Variants in MED23 observed in about 807,000 individuals in gnomAD.
The protein encoded by MED23 is mediator complex subunit 23, also known as mediator of RNA polymerase II transcription subunit 23.
In MED23, 105 loss-of-function variants were observed where a neutral mutation model predicts 163.9. The observed-to-expected ratio is 0.64, with a 90% confidence interval of 0.55 to 0.75. The LOEUF (loss-of-function observed/expected upper bound fraction) is 0.75, where lower values mean the gene tolerates loss of function less well. Among genes scored for constraint, MED23 ranks in the 30% least tolerant of loss-of-function variants. MED23 has a pLI of 0.00. For synonymous variants in MED23, 561 were observed against 565.6 expected (o/e 0.99, Z 0.12); for missense variants, 1,054 against 1,649.0 (o/e 0.64, Z 6.25).
At chr6:131,604,618 C>G (rs1775723795) in intron 14 of MED23, among the ~76,000 whole-genome samples, 1 of 152,114 alleles carries the variant, frequency 6.6e-6, no homozygotes, top group Non-Finnish European at 1.5e-5. Flanking sequence ...TCAAATGATG[C>G]ATCAAAATAC....
intron 22 of MED23, among the ~76,000 whole-genome samples, chr6:131,594,659 A>C (rs1353152241): frequency 6.6e-6 from 1 of 152,242 alleles, no homozygotes; most frequent in Non-Finnish European, 1.5e-5. Flanking sequence ...TACTAGCGAA[A>C]GATGAAAAAC....
At position 131,604,170 on chromosome 6, in the gene MED23, T is replaced by C; in HGVS notation, c.1756+8A>G. On this transcript the variant is annotated splice_region_variant and intron_variant, in intron 15 of 28. Transcript: ENST00000368068. ...AATAGTTATAAACACCAGAAAGTCC[T>C]GTCTTACTGATAAATCCTTTGATGC... The C allele has an allele frequency of 6.2e-7, 1 of 1,613,486 alleles. No individual in the cohort carries two copies. The highest frequency in any genetic ancestry group is 1.1e-5 in the South Asian group (1 of 91,078).
At chr6:131,605,194 C>A in intron 14 of MED23, 46 bp downstream of exon 14, 4 of 1,591,288 alleles carry the variant, frequency 2.5e-6, no homozygotes, top group South Asian at 1.1e-5. Flanking sequence ...ATACTATACT[C>A]GTATCAATTC....
At chr6:131,597,886 G>C (rs1305730336) in intron 20 of MED23, among the ~76,000 whole-genome samples, 1 of 151,778 alleles carries the variant, frequency 6.6e-6, no homozygotes, top group Non-Finnish European at 1.5e-5. Flanking sequence ...AGGAGTTCGA[G>C]ACCAGCCTGG....
Position 131,607,948 on chromosome 6 carries a change from A to G in MED23, c.1201T>C (p.Leu401=). 3 of 1,613,886 alleles carry G rather than the reference A, an allele frequency of 1.9e-6. No homozygotes were observed. The highest frequency in any genetic ancestry group is 2.2e-5 in the East Asian group (1 of 44,816). Residue 401 remains leucine, a synonymous_variant, in exon 12 of 29, where the codon TTG becomes CTG. Transcript: ENST00000368068. ...CTTACTTCTTTTTCTGGGTATAGCA[A>G]GTCGAAGAGCTTCATCACAGGGAGA... ...DFLPVMKLFD[L]LYPEKEYIPV... is the part of the protein sequence containing the mutation.
chr6:131,575,790 T>G (rs1010225800), intron 30 of MED23, among the ~76,000 whole-genome samples: 3 of 152,220 alleles, frequency 2.0e-5, no homozygotes, highest in Non-Finnish European at 4.4e-5. Flanking sequence ...ACTTGCCCCT[T>G]GGAGGAAGAG....
chr6:131,576,812 G>A, intron 30 of MED23: 1 of 1,277,532 alleles, frequency 7.8e-7, no homozygotes, highest in East Asian at 2.4e-5. Flanking sequence ...TGTGAACCTG[G>A]AGTGTGTCTG....
chr6:131,581,087 C>T (rs1002373049), intron 30 of MED23: 2 of 862,766 alleles, frequency 2.3e-6, no homozygotes, highest in Non-Finnish European at 3.8e-6. Flanking sequence ...TTGGCATCTC[C>T]AATTCAGAAC....
At chr6:131,605,770 C>T (rs1775810209) in intron 13 of MED23, among the ~76,000 whole-genome samples, 1 of 152,164 alleles carries the variant, frequency 6.6e-6, no homozygotes, top group Non-Finnish European at 1.5e-5. Flanking sequence ...GAAGAAATAA[C>T]TCACAAGTCT....
chr6:131,580,089 G>A lies in MED23; in HGVS notation c.4096-5794C>T, dbSNP rs148958054. On this transcript the variant is annotated intron_variant, in intron 30 of 30. Transcript: ENST00000354577. ...TGTGGCAAAGACCATTTTTGTGCAT[G>A]AGCCTCTTTAAATATTTACTCCCAA... is the stretch of plus-strand genomic sequence containing the variant. 1.1e-4 allele frequency among the ~76,000 whole-genome samples: 16 copies of A among 152,210 alleles called. 1 individual carries two copies. The East Asian group carries it at 2.9e-3, about 28-fold the overall frequency.
rs145230681 is a variant in MED23, at chr6:131,596,128, C to T, written c.2814G>A (p.Ala938=). 2,779 of 1,614,070 alleles carry T rather than the reference C, an allele frequency of 1.7e-3. 12 individuals carry two copies. Among genetic ancestry groups the T allele is most frequent in the Middle Eastern group, 3.3e-3 (20 of 6,060 alleles). The change falls in exon 22 of 29, where the codon GCG becomes GCA. Residue 938 remains alanine, a synonymous_variant. Coordinates refer to ENST00000368068, the MANE Select transcript of MED23 (RefSeq NM_004830.4). ...YPEKLYFEGL[A]EQVDPPVQIQ... is the part of the protein sequence containing the mutation. Reference sequence around the variant, plus strand: ...TCTGTACAGGAGGATCCACCTGTTCCGCGAGGCCCTCAAAATACAACTTCT... The same window carrying T: ...TCTGTACAGGAGGATCCACCTGTTCTGCGAGGCCCTCAAAATACAACTTCT...
At chr6:131,615,728 C>T (rs1221193189) in intron 10 of MED23, 179 bp downstream of exon 10, 6 of 650,944 alleles carry the variant, frequency 9.2e-6, no homozygotes, top group Admixed American at 8.2e-5. Flanking sequence ...TAAATTTAAA[C>T]ATTCTTAAAG....
At chr6:131,626,032 G>A (rs1323425846) in intron 3 of MED23, among the ~76,000 whole-genome samples, 2 of 148,790 alleles carry the variant, frequency 1.3e-5, no homozygotes, top group Non-Finnish European at 3.0e-5. Context: ...TGAGGCAGGA[G>A]AACGGCGTGA....
At position 131,594,245 on chromosome 6, in the gene MED23, G is replaced by C. The variant is rs745553833; in HGVS notation, c.3086C>G (p.Ala1029Gly). The stretch of plus-strand genomic sequence containing the variant: ...ATTATCCTTCAGAGAGCCAATGATC[G>C]CATGGACGAGTTTTCGTTTGAGAAA... Reference protein sequence around the residue: ...RAFLKRKLVHAIIGSLKDNRP... With the variant: ...RAFLKRKLVHGIIGSLKDNRP... The change falls in exon 23 of 29, where the codon GCG becomes GGG. Residue 1029 changes from alanine to glycine, a missense_variant. Physicochemically the swap from Ala to Gly is moderately conservative, Grantham distance 60. Around this residue, in one of 11 missense-constraint regions of MED23, gnomAD observed 362 missense variants for 471.6 expected, o/e 0.77. Coordinates refer to ENST00000368068, the MANE Select transcript of MED23 (RefSeq NM_004830.4). 1.9e-6 allele frequency: 3 copies of C among 1,614,102 alleles called. No homozygotes were observed. Among genetic ancestry groups the C allele is most frequent in the South Asian group, 1.1e-5 (1 of 91,084 alleles).
intron 30 of MED23, chr6:131,579,484 G>T (rs893873280): frequency 3.8e-6 from 2 of 531,182 alleles, no homozygotes; most frequent in African/African-American, 3.8e-5. Context: ...TACAATATCT[G>T]TATTTTGACC....
chr6:131,576,012 G>A (rs908531052), intron 30 of MED23, among the ~76,000 whole-genome samples: 4 of 152,152 alleles, frequency 2.6e-5, no homozygotes, highest in African/African-American at 9.7e-5. Flanking sequence ...CTCTTTCGAT[G>A]CTTTTGCCCA....
chr6:131,599,911 T>C (rs1585492715), intron 18 of MED23, 127 bp downstream of exon 18: 4 of 1,195,902 alleles, frequency 3.3e-6, no homozygotes, highest in Non-Finnish European at 2.4e-6. Flanking sequence ...GCCCAGCCCC[T>C]AAATATTTTT....
intron 11 of MED23, among the ~76,000 whole-genome samples, chr6:131,609,606 T>C (rs1776120600): frequency 6.7e-6 from 1 of 148,488 alleles, no homozygotes; most frequent in Non-Finnish European, 1.5e-5. Flanking sequence ...TTAGGGACTA[T>C]TACCTTTTAT....
chr6:131,585,687 C>A (rs1329647713), downstream of MED23, among the ~76,000 whole-genome samples: 1 of 152,110 alleles, frequency 6.6e-6, no homozygotes, highest in Non-Finnish European at 1.5e-5. Flanking sequence ...TGGACAGAGC[C>A]ACTCTAAACT....
Sources: allele counts gnomAD v4.1 joint callset (sites outside exome capture counted in the v4.1 genomes callset), GRCh38; gene constraint gnomAD v4.1.1; regional missense constraint gnomAD v4.1.1; transcripts MANE v1.5; gene names NCBI Gene and HGNC (gene_info 2026-07-23, HGNC 2026-07-21).